RAB33B: variants seen among roughly 807,000 people sequenced by gnomAD.
RAB33B encodes RAB33B, member RAS oncogene family, also known as ras-related protein Rab-33B.
In RAB33B, 6 loss-of-function variants were observed where a neutral mutation model predicts 15.0. That is an observed-to-expected ratio of 0.40 (90% CI 0.22 to 0.79). RAB33B has a LOEUF of 0.79. Ranked by LOEUF, RAB33B falls within the 30% of genes least tolerant of loss-of-function variation. RAB33B has a pLI of 0.37. For missense variants in RAB33B, 257 were observed against 296.4 expected (o/e 0.87, Z 0.98); for synonymous variants, 117 against 108.3 (o/e 1.08, Z -0.50).
chr4:139,450,779 G>A (rs1018962250), upstream of RAB33B: 2 of 151,834 alleles, frequency 1.3e-5, no homozygotes, highest in African/African-American at 4.8e-5. Context: ...CTGTTTCTGA[G>A]TAAGACAAGT....
In RAB33B at chr4:139,475,169, A is replaced by G. The variant is rs1001794405; in HGVS notation, c.*2043A>G. 1 of 152,112 alleles carries G rather than the reference A, an allele frequency of 6.6e-6. No individual in the cohort carries two copies. The highest frequency in any genetic ancestry group is 1.5e-5 in the Non-Finnish European group (1 of 67,942). 9.4% of individuals were successfully genotyped at this position (152,112 alleles called of 1,614,324 possible). On this transcript the variant is annotated 3_prime_UTR_variant, in exon 2 of 2. Coordinates refer to ENST00000305626, the MANE Select transcript of RAB33B (RefSeq NM_031296.3). ...CTTGTATCGAAATTAACCTTGATTT[A>G]TAACTATTTTTGTAATAAAACAATG...
chr4:139,450,439 T>C (rs1286137338), upstream of RAB33B: 1 of 152,182 alleles, frequency 6.6e-6, no homozygotes, highest in Non-Finnish European at 1.5e-5. Flanking sequence ...ATCAAACTTG[T>C]GAGAAGAGCC....
intron 1 of RAB33B, among the ~76,000 whole-genome samples, chr4:139,462,408 A>G (rs1423643068): frequency 6.6e-6 from 1 of 152,192 alleles, no homozygotes; most frequent in Non-Finnish European, 1.5e-5. Flanking sequence ...CTGACTTTAA[A>G]TTGATTTAAT....
At chr4:139,447,669 T>TC in the RAB33B span, among the ~76,000 whole-genome samples, 1 of 135,976 alleles carries the variant, frequency 7.4e-6, no homozygotes, top group African/African-American at 2.8e-5. Flanking sequence ...TTTTTTTTTT[T>TC]TTTTTTTTTT....
rs1750247405 is a variant in RAB33B at position 139,464,731 on chromosome 4, T to C, written c.250-7955T>C. ...AAGGACATGAACTCATCCTTTTTTATGGCTGCATAGTATTCCATGGTGTAT... is the reference window on the plus strand; with the variant it reads ...AAGGACATGAACTCATCCTTTTTTACGGCTGCATAGTATTCCATGGTGTAT... On this transcript the variant is annotated intron_variant, in intron 1 of 1. Transcript: ENST00000305626. Among the ~76,000 whole-genome samples the C allele has an allele frequency of 2.0e-5, 3 of 152,364 alleles. No homozygotes were observed. The South Asian group carries it at 6.2e-4, about 32-fold the overall frequency.
intron 1 of RAB33B, among the ~76,000 whole-genome samples, chr4:139,456,503 T>G (rs1750069496): frequency 6.7e-6 from 1 of 150,114 alleles, no homozygotes; most frequent in Non-Finnish European, 1.5e-5. Flanking sequence ...AGGTGAGTGC[T>G]GGCAGTGATA....
rs1750474109 is a variant in RAB33B at position 139,474,996 on chromosome 4, A to G, written c.*1870A>G. The stretch of plus-strand genomic sequence containing the variant: ...CTACCTGGATAATTTAACTATAAAG[A>G]CAAAGTAATTCTATTAAATGAACTA... On this transcript the variant is annotated 3_prime_UTR_variant, in exon 2 of 2. Coordinates refer to ENST00000305626, the MANE Select transcript of RAB33B (RefSeq NM_031296.3). 6.6e-6 allele frequency: 1 copy of G among 152,264 alleles called. No individual in the cohort carries two copies. The highest frequency in any genetic ancestry group is 1.5e-5 in the Non-Finnish European group (1 of 67,954). The allele number at this position is 152,264 out of a possible 1,614,324, so 9.4% of individuals were successfully genotyped here.
At chr4:139,451,872 T>A (rs1231392049), upstream of RAB33B, 1 of 152,248 alleles carries the variant, frequency 6.6e-6, no homozygotes, top group Non-Finnish European at 1.5e-5. Context: ...GGCCAAGTGG[T>A]AGTGACTCCA....
In RAB33B at chr4:139,472,973, T is replaced by C. The variant is rs750239564; in HGVS notation, c.537T>C (p.Ala179=). 14 of 1,614,048 alleles carry C rather than the reference T, an allele frequency of 8.7e-6. No homozygotes were observed. The African/African-American group carries it at 1.9e-4, about 22-fold the overall frequency. ...GTATGCCTTTGTTTGAAACGTCTGC[T>C]AAAAACCCCAATGATAATGACCATG... ...THSMPLFETS[A]KNPNDNDHVE... Residue 179 remains alanine (A), a synonymous_variant, in exon 2 of 2, where the codon GCT becomes GCC. Coordinates refer to ENST00000305626, the MANE Select transcript of RAB33B (RefSeq NM_031296.3).
the RAB33B span, among the ~76,000 whole-genome samples, chr4:139,439,062 G>A: frequency 6.6e-6 from 1 of 152,112 alleles, no homozygotes; most frequent in Non-Finnish European, 1.5e-5. Flanking sequence ...GCCCAGGCTG[G>A]GGGGCAGTGG....
At chr4:139,440,803 A>AT in the RAB33B span, among the ~76,000 whole-genome samples, 1 of 152,010 alleles carries the variant, frequency 6.6e-6, no homozygotes, top group Non-Finnish European at 1.5e-5. Context: ...GTAGAGACGG[A>AT]TTTTGCCATG....
At chr4:139,471,543 T>A (rs1474519168) in intron 1 of RAB33B, among the ~76,000 whole-genome samples, 2 of 150,260 alleles carry the variant, frequency 1.3e-5, no homozygotes, top group East Asian at 3.9e-4. Flanking sequence ...TTTTTTTTCC[T>A]GTGTAGTTAG....
the RAB33B span, among the ~76,000 whole-genome samples, chr4:139,441,304 T>C: frequency 6.6e-6 from 1 of 152,182 alleles, no homozygotes; most frequent in South Asian, 2.1e-4. Context: ...TAGATTCCAC[T>C]CTTTAATGAG....
rs1750423649 is a variant in RAB33B at position 139,473,166 on chromosome 4, A to G, written c.*40A>G. The G allele has an allele frequency of 2.0e-6, 3 of 1,484,306 alleles. No individual in the cohort carries two copies. The highest frequency in any genetic ancestry group is 2.7e-6 in the Non-Finnish European group (3 of 1,103,922). 91.9% of individuals were successfully genotyped at this position (1,484,306 alleles called of 1,614,324 possible). ...TATATTATCTAATTTTGACTAAAGAAATACTTTTGAAGTATGACAGTATTA... is the reference window on the plus strand; with the variant it reads ...TATATTATCTAATTTTGACTAAAGAGATACTTTTGAAGTATGACAGTATTA... On this transcript the variant is annotated 3_prime_UTR_variant, in exon 2 of 2. Coordinates refer to ENST00000305626, the MANE Select transcript of RAB33B (RefSeq NM_031296.3).
intron 1 of RAB33B, among the ~76,000 whole-genome samples, chr4:139,463,733 AG>A (rs1179111501): frequency 6.6e-6 from 1 of 152,050 alleles, no homozygotes; most frequent in African/African-American, 2.4e-5. Flanking sequence ...AGTTTTCTCT[AG>A]CCTTTTATGG....
At chr4:139,446,270 G>T in the RAB33B span, among the ~76,000 whole-genome samples, 1 of 152,174 alleles carries the variant, frequency 6.6e-6, no homozygotes, top group East Asian at 1.9e-4. Context: ...CTAGGGCCCG[G>T]TTCACGGATG....
Position 139,476,449 on chromosome 4 carries a change from T to C in RAB33B, c.*3323T>C, listed in dbSNP as rs138878064. 2.0e-4 allele frequency: 31 copies of C among 152,328 alleles called. No individual in the cohort carries two copies. Among genetic ancestry groups the C allele is most frequent in the African/African-American group, 7.0e-4 (29 of 41,562 alleles). The allele number at this position is 152,328 out of a possible 1,614,324, so 9.4% of individuals were successfully genotyped here. A position where few individuals can be genotyped will look rare whatever the true frequency, so the allele number is the denominator to read the frequency against. ...ACATTATTCATGAAGGACTGCTTTC[T>C]TAATCAGATATTAAGAAGTTCGTCA... On this transcript the variant is annotated 3_prime_UTR_variant, in exon 2 of 2. Transcript: ENST00000305626.
At chr4:139,455,870 C>T (rs1041424037) in intron 1 of RAB33B, among the ~76,000 whole-genome samples, 5 of 152,098 alleles carry the variant, frequency 3.3e-5, no homozygotes, top group Admixed American at 6.6e-5. Context: ...TCTGAACCTA[C>T]GAAAGGGTAG....
the RAB33B span, among the ~76,000 whole-genome samples, chr4:139,440,575 G>A: frequency 6.6e-6 from 1 of 152,028 alleles, no homozygotes; most frequent in East Asian, 1.9e-4. Context: ...AGTGGTAGGA[G>A]ATGGTTAGCT....
Sources: gnomAD v4.1 joint callset for allele counts (sites outside exome capture counted in the v4.1 genomes callset) on GRCh38, gnomAD v4.1.1 for gene constraint, MANE v1.5 for transcripts, NCBI Gene and HGNC (gene_info 2026-07-23, HGNC 2026-07-21) for gene names.